The following SHC2 variants were observed in gnomAD, a reference collection of about 807,000 sequenced individuals.
SHC2 encodes the protein SHC adaptor protein 2, also known as SHC-transforming protein 2.
In SHC2, 62 loss-of-function variants were observed where a neutral mutation model predicts 60.6. The observed-to-expected ratio is 1.02, with a 90% confidence interval of 0.83 to 1.26. The LOEUF is 1.26. SHC2 is among the 50% of genes most tolerant of loss of function. SHC2 has a pLI of 0.00. For synonymous variants in SHC2, 375 were observed against 372.4 expected (o/e 1.01, Z -0.08); for missense variants, 873 against 822.2 (o/e 1.06, Z -0.76).
intron 1 of SHC2, among the ~76,000 whole-genome samples, chr19:451,261 C>T (rs115064953): frequency 0.035 from 4,947 of 141,826 alleles, 273 homozygotes; most frequent in African/African-American, 0.12. Context: ...ATGGCCACGC[C>T]GTGGCTGTGC....
intron 1 of SHC2, among the ~76,000 whole-genome samples, chr19:449,324 C>T (rs539513294): frequency 6.6e-6 from 1 of 152,014 alleles, no homozygotes; most frequent in African/African-American, 2.4e-5. Flanking sequence ...CACCATTGCA[C>T]TCCAGCCTGG....
rs1256409796 is a variant in SHC2, at chr19:418,957, G to A, written c.1720C>T (p.Leu574=). 1 of 1,588,204 alleles carries A rather than the reference G, an allele frequency of 6.3e-7. No individual in the cohort carries two copies. Among genetic ancestry groups the A allele is most frequent in the Admixed American group, 1.8e-5 (1 of 56,508 alleles). ...GGCTCCCGTGAGACCACGCCACGCA[G>A]GTGCAGCTCACTCTCGGCGGCCACG... ...PIVAAESELH[L]RGVVSREP is the part of the protein sequence containing the mutation. Residue 574 remains leucine, a synonymous_variant, in exon 12 of 13, where the codon CTG becomes TTG. Transcript: ENST00000264554.
At chr19:419,859 C>G (rs114287784) in intron 11 of SHC2, 2 of 152,260 alleles carry the variant, frequency 1.3e-5, no homozygotes, top group Non-Finnish European at 2.9e-5. Context: ...CCACGGCTGC[C>G]GAGCAGCTCC....
chr19:448,729 G>A (rs998773150), intron 1 of SHC2, among the ~76,000 whole-genome samples: 5 of 152,108 alleles, frequency 3.3e-5, no homozygotes, highest in African/African-American at 1.2e-4. Context: ...ACACAACCTC[G>A]ACTCAACTGC....
Position 422,368 on chromosome 19 carries a change from G to C in SHC2, c.1398C>G (p.Pro466=), listed in dbSNP as rs1398378892. 2.5e-6 allele frequency: 4 copies of C among 1,604,022 alleles called. No homozygotes were observed. The highest frequency in any genetic ancestry group is 3.4e-6 in the Non-Finnish European group (4 of 1,176,092). Residue 466 remains proline, a synonymous_variant, in exon 11 of 13, where the codon CCC becomes CCG. Coordinates refer to ENST00000264554, the MANE Select transcript of SHC2 (RefSeq NM_012435.3). The surrounding 1 kb of genome is among the most constrained non-coding windows in gnomAD (Gnocchi z 5.0). ...AAPLPLEDQW[P]SPPTRRAPVA... ...CAGGGGCCCGGCGGGTAGGGGGGCT[G>C]GGCCACTGGTCCTCCAAGGGAAGAG...
In SHC2 at chr19:422,500, A is replaced by G. The variant is rs1394989500; in HGVS notation, c.1310-44T>C. ...AGTGCTGGGCAGGCAGGGGGCAAGC[A>G]GCTACTCCTGCCGGGACCAGAGCTG... On this transcript the variant is annotated intron_variant, in intron 10 of 12. Transcript: ENST00000264554. This position sits in a 1 kb window ranked among gnomAD's most constrained non-coding sequence, Gnocchi z 5.0. 7.0e-7 allele frequency: 1 copy of G among 1,438,712 alleles called. No homozygotes were observed. The highest frequency in any genetic ancestry group is 9.3e-7 in the Non-Finnish European group (1 of 1,080,534). 89.1% of individuals were successfully genotyped at this position (1,438,712 alleles called of 1,614,324 possible).
At chr19:429,226 C>T (rs1600283595) in intron 9 of SHC2, among the ~76,000 whole-genome samples, 1 of 145,312 alleles carries the variant, frequency 6.9e-6, no homozygotes, top group African/African-American at 2.6e-5. Flanking sequence ...AACCTAATAC[C>T]GTGTGGATGA....
intron 9 of SHC2, among the ~76,000 whole-genome samples, chr19:428,772 A>G (rs1213127628): frequency 6.7e-6 from 1 of 149,766 alleles, no homozygotes; most frequent in Non-Finnish European, 1.5e-5. Context: ...ACATGCAGAG[A>G]AACCTAATAC....
intron 1 of SHC2, among the ~76,000 whole-genome samples, chr19:459,195 G>A (rs2145766205): frequency 7.1e-6 from 1 of 141,244 alleles, no homozygotes; most frequent in East Asian, 1.9e-4. Flanking sequence ...GTAGGGGGAA[G>A]GACCCCACTG....
At chr19:419,196 ACCAG>A in intron 11 of SHC2, 140 bp from the exon 12 acceptor site, 1 of 982,144 alleles carries the variant, frequency 1.0e-6, no homozygotes, top group Non-Finnish European at 1.4e-6. Context: ...ATTCCGGGAC[ACCAG>A]CCAAAGGATC....
At chr19:455,496 G>A (rs190531767) in intron 1 of SHC2, among the ~76,000 whole-genome samples, 76 of 152,352 alleles carry the variant, frequency 5.0e-4, no homozygotes, top group Admixed American at 1.1e-3. Flanking sequence ...CACGGCGCTC[G>A]GACGCGGGGC....
At chr19:451,102 G>A in intron 1 of SHC2, among the ~76,000 whole-genome samples, 1 of 148,430 alleles carries the variant, frequency 6.7e-6, no homozygotes, top group East Asian at 2.0e-4. Flanking sequence ...CGTGTGGATG[G>A]CCATACCATA....
At chr19:448,344 C>T (rs535526329) in intron 1 of SHC2, among the ~76,000 whole-genome samples, 36 of 152,258 alleles carry the variant, frequency 2.4e-4, no homozygotes, top group African/African-American at 7.5e-4. Flanking sequence ...TCTGAAGCCC[C>T]GGGGGAGGGT....
intron 1 of SHC2, among the ~76,000 whole-genome samples, chr19:443,104 A>G (rs1600307447): frequency 3.9e-5 from 4 of 101,848 alleles, no homozygotes; most frequent in Non-Finnish European, 6.0e-5. Flanking sequence ...ATGGATGGAC[A>G]GATGGGTGGT....
chr19:434,971 A>T, intron 7 of SHC2, 106 bp from the exon 8 acceptor site: 1 of 1,159,542 alleles, frequency 8.6e-7, no homozygotes, highest in Non-Finnish European at 1.1e-6. Context: ...TTCGAATCCC[A>T]GCCCCCCACC....
chr19:436,736 G>A (rs1974732868), intron 4 of SHC2, 53 bp from the exon 5 acceptor site: 4 of 1,533,974 alleles, frequency 2.6e-6, no homozygotes, highest in Admixed American at 1.8e-5. Flanking sequence ...CGAGGGCAGG[G>A]GGCCCGGCAG....
At chr19:420,613 T>C (rs904703336) in intron 11 of SHC2, among the ~76,000 whole-genome samples, 5 of 152,368 alleles carry the variant, frequency 3.3e-5, no homozygotes, top group Non-Finnish European at 7.3e-5. Flanking sequence ...AGATGCGCCA[T>C]GATTTTAGGT....
intron 9 of SHC2, among the ~76,000 whole-genome samples, chr19:426,951 C>T (rs1974431430): frequency 6.6e-6 from 1 of 152,104 alleles, no homozygotes; most frequent in South Asian, 2.1e-4. Context: ...TGTAGGAGTT[C>T]TTGGCCAGAG....
intron 9 of SHC2, among the ~76,000 whole-genome samples, chr19:427,034 C>T (rs1355212291): frequency 2.0e-5 from 3 of 152,170 alleles, no homozygotes; most frequent in Non-Finnish European, 4.4e-5. Context: ...CTGGCGAGCC[C>T]CCGGTCCGGG....
Sources: allele counts gnomAD v4.1 joint callset (sites outside exome capture counted in the v4.1 genomes callset), GRCh38; gene constraint gnomAD v4.1.1; non-coding constraint Gnocchi (gnomAD v3.1); transcripts MANE v1.5; gene names NCBI Gene and HGNC (gene_info 2026-07-23, HGNC 2026-07-21).